Variants in ERBB4 observed in about 807,000 individuals in gnomAD.
ERBB4 encodes the protein receptor tyrosine-protein kinase erbB-4.
ERBB4 carries 42 observed loss-of-function variants against 158.0 expected under a neutral mutation model. That is an observed-to-expected ratio of 0.27 (90% CI 0.21 to 0.34). The LOEUF (loss-of-function observed/expected upper bound fraction) is 0.34, where lower values mean the gene tolerates loss of function less well. ERBB4 is among the 10% of genes least tolerant of loss of function. The pLI, the probability that ERBB4 is intolerant of heterozygous loss-of-function variation, is 1.00. For synonymous variants in ERBB4, 583 were observed against 558.7 expected (o/e 1.04, Z -0.61); for missense variants, 1,333 against 1,624.1 (o/e 0.82, Z 3.08).
chr2:212,334,356 G>T (rs558153421), intron 1 of ERBB4, among the ~76,000 whole-genome samples: 6 of 151,976 alleles, frequency 3.9e-5, no homozygotes, highest in Non-Finnish European at 8.8e-5. Context: ...TTGAAATTTT[G>T]TTCATTGATA....
intron 3 of ERBB4, among the ~76,000 whole-genome samples, chr2:211,934,839 T>C (rs1167186602): frequency 6.7e-6 from 1 of 149,214 alleles, no homozygotes; most frequent in Non-Finnish European, 1.5e-5. Flanking sequence ...TAAGAAATAA[T>C]TTAATCGAAT....
intron 1 of ERBB4, among the ~76,000 whole-genome samples, chr2:212,412,946 A>T (rs1188710277): frequency 6.6e-6 from 1 of 151,410 alleles, no homozygotes; most frequent in East Asian, 1.9e-4. Flanking sequence ...TATGTAGAGT[A>T]TTTTTTTTCT....
chr2:211,536,128 C>T (rs1385482376), intron 20 of ERBB4, among the ~76,000 whole-genome samples: 4 of 151,680 alleles, frequency 2.6e-5, no homozygotes, highest in Non-Finnish European at 4.4e-5. Context: ...TATTCTCTTC[C>T]TGCCCTAGCC....
chr2:211,901,553 C>T (rs1328887119), intron 3 of ERBB4, among the ~76,000 whole-genome samples: 1 of 152,104 alleles, frequency 6.6e-6, no homozygotes, highest in African/African-American at 2.4e-5. Context: ...GTAACTCTGC[C>T]ATAACTCTGC....
intron 3 of ERBB4, among the ~76,000 whole-genome samples, chr2:211,799,471 T>A (rs2076452158): frequency 6.6e-6 from 1 of 152,214 alleles, no homozygotes; most frequent in Non-Finnish European, 1.5e-5. Flanking sequence ...TGTCTAACAA[T>A]GCCAGATGGT....
At chr2:212,338,141 A>T (rs886149243) in intron 1 of ERBB4, among the ~76,000 whole-genome samples, 1 of 152,114 alleles carries the variant, frequency 6.6e-6, no homozygotes, top group Non-Finnish European at 1.5e-5. Flanking sequence ...CCATCCCAGT[A>T]CTATTCTGAG....
intron 1 of ERBB4, among the ~76,000 whole-genome samples, chr2:212,313,124 C>T (rs2087121212): frequency 6.6e-6 from 1 of 150,642 alleles, no homozygotes; most frequent in Admixed American, 6.6e-5. Context: ...AATTTGGATA[C>T]CATATAGTAA....
At chr2:211,681,654 T>G (rs1275247616) in intron 12 of ERBB4, among the ~76,000 whole-genome samples, 1 of 152,176 alleles carries the variant, frequency 6.6e-6, no homozygotes, top group Non-Finnish European at 1.5e-5. Flanking sequence ...TATTTTTACA[T>G]ATCTCGTTTG....
At chr2:211,953,299 G>T (rs745937722) in intron 2 of ERBB4, among the ~76,000 whole-genome samples, 1 of 151,500 alleles carries the variant, frequency 6.6e-6, no homozygotes, top group Non-Finnish European at 1.5e-5. Flanking sequence ...CGGGTTGATG[G>T]GTACAGCAAA....
intron 1 of ERBB4, among the ~76,000 whole-genome samples, chr2:212,476,872 C>T (rs1202311500): frequency 6.6e-6 from 1 of 152,022 alleles, no homozygotes; most frequent in Non-Finnish European, 1.5e-5. Flanking sequence ...CGAAGCAAAA[C>T]CAAAAGACAA....
At chr2:211,567,350 A>G (rs2067578565) in intron 19 of ERBB4, among the ~76,000 whole-genome samples, 1 of 152,194 alleles carries the variant, frequency 6.6e-6, no homozygotes, top group Non-Finnish European at 1.5e-5. Context: ...TACCTGCATG[A>G]ATTGGGTCAA....
chr2:211,561,324 T>C (rs188800819), intron 20 of ERBB4, among the ~76,000 whole-genome samples: 4 of 152,268 alleles, frequency 2.6e-5, no homozygotes, highest in Admixed American at 2.0e-4. Flanking sequence ...CCCTAGAAAC[T>C]AGTAAATGCT....
chr2:212,234,798 C>T (rs769830643), intron 1 of ERBB4, among the ~76,000 whole-genome samples: 5 of 152,112 alleles, frequency 3.3e-5, no homozygotes, highest in African/African-American at 7.2e-5. Context: ...AATGTCTGTT[C>T]GTATCCTTTG....
intron 3 of ERBB4, among the ~76,000 whole-genome samples, chr2:211,845,403 T>C (rs2077564859): frequency 6.6e-6 from 1 of 152,106 alleles, no homozygotes; most frequent in African/African-American, 2.4e-5. Context: ...TTAACACCTA[T>C]AGAGGACTGG....
intron 2 of ERBB4, among the ~76,000 whole-genome samples, chr2:212,043,829 C>T (rs2077196475): frequency 1.3e-5 from 2 of 152,010 alleles, no homozygotes; most frequent in African/African-American, 4.8e-5. Context: ...ATAGCAGTAC[C>T]TATCTTGTCA....
At chr2:212,110,824 T>C (rs2079382412) in intron 2 of ERBB4, among the ~76,000 whole-genome samples, 1 of 152,170 alleles carries the variant, frequency 6.6e-6, no homozygotes, top group Non-Finnish European at 1.5e-5. Context: ...GAAGCACAAC[T>C]AGCTGTTTAC....
intron 1 of ERBB4, among the ~76,000 whole-genome samples, chr2:212,136,382 C>A (rs948724118): frequency 3.3e-5 from 5 of 152,228 alleles, no homozygotes; most frequent in Admixed American, 1.3e-4. Context: ...GTTCAATCAG[C>A]TTACACTAGA....
At chr2:212,170,110 A>G (rs1369298127) in intron 1 of ERBB4, among the ~76,000 whole-genome samples, 1 of 152,164 alleles carries the variant, frequency 6.6e-6, no homozygotes, top group African/African-American at 2.4e-5. Context: ...AATACAGGAA[A>G]CTATGGAAAA....
intron 25 of ERBB4, among the ~76,000 whole-genome samples, chr2:211,391,905 A>G (rs752725508): frequency 6.6e-6 from 1 of 152,182 alleles, no homozygotes; most frequent in African/African-American, 2.4e-5. Flanking sequence ...CCTAGCTTCT[A>G]TCTAAATTAA....
Sources: gnomAD v4.1 joint callset for allele counts (sites outside exome capture counted in the v4.1 genomes callset) on GRCh38, gnomAD v4.1.1 for gene constraint, MANE v1.5 for transcripts, NCBI Gene and HGNC (gene_info 2026-07-23, HGNC 2026-07-21) for gene names.